DLGAP4: variants seen among roughly 807,000 people sequenced by gnomAD.
DLGAP4 encodes DLG associated protein 4.
A neutral mutation model predicts 86.9 loss-of-function variants in DLGAP4; 18 were observed. The ratio of observed to expected loss-of-function variants is 0.21; its 90% CI spans 0.14 to 0.31. The LOEUF is 0.31. Ranked by LOEUF, DLGAP4 falls within the 10% of genes least tolerant of loss-of-function variation. DLGAP4 has a pLI of 1.00. For synonymous variants in DLGAP4, 548 were observed against 574.3 expected, an observed-to-expected ratio of 0.95 and a Z score of 0.65; for missense variants, 1,085 against 1,362.6, an observed-to-expected ratio of 0.80 and a Z score of 3.21.
At chr20:36,453,550 C>T (rs1277216598) in intron 7 of DLGAP4, among the ~76,000 whole-genome samples, 3 of 152,052 alleles carry the variant, frequency 2.0e-5, no homozygotes, top group South Asian at 2.1e-4. Context: ...GTGGGATTTG[C>T]TTAAGCCTGG....
chr20:36,331,029 G>C (rs931469719), intron 1 of DLGAP4, among the ~76,000 whole-genome samples: 3 of 152,214 alleles, frequency 2.0e-5, no homozygotes, highest in Non-Finnish European at 4.4e-5. Flanking sequence ...AGGAGAGAGG[G>C]CTGGGCTGTC....
intron 10 of DLGAP4, among the ~76,000 whole-genome samples, chr20:36,515,536 T>G (rs1175486551): frequency 6.6e-6 from 1 of 152,204 alleles, no homozygotes; most frequent in Non-Finnish European, 1.5e-5. Context: ...TCTATATATT[T>G]AGGTTCATTC....
intron 4 of DLGAP4, among the ~76,000 whole-genome samples, chr20:36,438,239 C>T (rs752644995): frequency 1.3e-5 from 2 of 151,880 alleles, no homozygotes; most frequent in African/African-American, 2.4e-5. Context: ...CAGATTGTGG[C>T]GGTGCATGCC....
chr20:36,525,995 G>A lies in DLGAP4; in HGVS notation c.2749G>A (p.Glu917Lys), dbSNP rs547476479. ...CAGCTGGCAGCTGGTGGAGACCCCC[G>A]AGAAGAGGAAGGTGAGCATGGAGCA... ...ANSWQLVETPEKRKEEKKPPP... is the reference protein window; with the variant it reads ...ANSWQLVETPKKRKEEKKPPP... The change falls in exon 12 of 13, where the codon GAG (glutamate) becomes AAG (lysine). Residue 917 changes from glutamate (E) to lysine (K), a missense_variant. This residue lies in a region of DLGAP4 where 1,082 missense variants were observed against 1,344.1 expected (regional missense o/e 0.81). Coordinates refer to ENST00000339266, the MANE Select transcript of DLGAP4 (RefSeq NM_001365621.2). 7.4e-6 allele frequency: 12 copies of A among 1,613,970 alleles called. No homozygotes were observed. The highest frequency in any genetic ancestry group is 3.3e-5 in the South Asian group (3 of 91,064).
chr20:36,361,857 T>C (rs918191627), intron 1 of DLGAP4, among the ~76,000 whole-genome samples: 4 of 151,538 alleles, frequency 2.6e-5, no homozygotes, highest in African/African-American at 9.7e-5. Flanking sequence ...TGCATGTCTG[T>C]AGTCCCAGCT....
chr20:36,371,484 C>T (rs554713707), intron 2 of DLGAP4, among the ~76,000 whole-genome samples: 7 of 152,336 alleles, frequency 4.6e-5, no homozygotes, highest in African/African-American at 1.7e-4. Context: ...TGTGACATGG[C>T]ACTGTCCAAG....
At chr20:36,485,565 G>A (rs2035376084) in intron 7 of DLGAP4, among the ~76,000 whole-genome samples, 1 of 152,088 alleles carries the variant, frequency 6.6e-6, no homozygotes, top group African/African-American at 2.4e-5. Context: ...AGGCCCAGAA[G>A]GGACTCAGGC....
Position 36,500,170 on chromosome 20 carries a change from T to TCCCCCCCCCCTCCCCCCCC in DLGAP4, c.2100-25_2100-24insCCCCCCTCCCCCCCCCCCC. On this transcript the variant is annotated intron_variant, in intron 9 of 12. Coordinates refer to ENST00000339266, the MANE Select transcript of DLGAP4 (RefSeq NM_001365621.2). The surrounding 1 kb of genome is among the most constrained non-coding windows in gnomAD (Gnocchi z 4.6). ...CCTCTTGGTGACTCACTCCTTCCTG[T>TCCCCCCCCCCTCCCCCCCC]CCCCACCCCATCCACCCCCTACCCA... 6.6e-7 allele frequency: 1 copy of TCCCCCCCCCCTCCCCCCCC among 1,515,770 alleles called. No homozygotes were observed. Among genetic ancestry groups the TCCCCCCCCCCTCCCCCCCC allele is most frequent in the Non-Finnish European group, 8.8e-7 (1 of 1,130,002 alleles). 93.9% of individuals were successfully genotyped at this position (1,515,770 alleles called of 1,614,324 possible). A position where few individuals can be genotyped will look rare whatever the true frequency, so the allele number is the denominator to read the frequency against.
intron 2 of DLGAP4, among the ~76,000 whole-genome samples, chr20:36,423,455 C>CAA (rs11434258): frequency 0.087 from 1,420 of 16,336 alleles, 318 homozygotes; most frequent in South Asian, 0.13. Flanking sequence ...GACTCCGTCT[C>CAA]AAAAAAAAAA....
intron 2 of DLGAP4, among the ~76,000 whole-genome samples, chr20:36,416,721 G>C (rs928720464): frequency 1.3e-5 from 2 of 152,188 alleles, no homozygotes; most frequent in African/African-American, 4.8e-5. Context: ...ATTTTAAGCA[G>C]GGAAAGGCTT....
chr20:36,493,418 G>A (rs895995400), intron 7 of DLGAP4, among the ~76,000 whole-genome samples: 1 of 152,224 alleles, frequency 6.6e-6, no homozygotes, highest in African/African-American at 2.4e-5. Flanking sequence ...TTTGTCAGGG[G>A]CTGTGTGAAT....
intron 7 of DLGAP4, among the ~76,000 whole-genome samples, chr20:36,465,067 C>T (rs1037997142): frequency 1.6e-4 from 25 of 152,002 alleles, no homozygotes; most frequent in Admixed American, 1.6e-3. Flanking sequence ...AAATCTGGTG[C>T]ACAGTAGGCA....
chr20:36,489,959 A>C (rs1048309883), intron 7 of DLGAP4, among the ~76,000 whole-genome samples: 3 of 150,084 alleles, frequency 2.0e-5, no homozygotes, highest in African/African-American at 7.4e-5. Flanking sequence ...CCCGGGTTCA[A>C]GCAATTCTCT....
At chr20:36,454,841 C>T (rs953490328) in intron 7 of DLGAP4, among the ~76,000 whole-genome samples, 4 of 152,232 alleles carry the variant, frequency 2.6e-5, no homozygotes, top group African/African-American at 9.6e-5. Flanking sequence ...CCTGCCTGCC[C>T]GCCCACCCAC....
intron 7 of DLGAP4, among the ~76,000 whole-genome samples, chr20:36,495,631 C>T (rs1279417281): frequency 6.6e-6 from 1 of 152,216 alleles, no homozygotes; most frequent in Non-Finnish European, 1.5e-5. Context: ...TGTGGGTCAG[C>T]CCCTGGCTGG....
Position 36,446,942 on chromosome 20 carries a change from G to A in DLGAP4, c.1648+5G>A. ...GCAATAGTCGCACGCTTCCGAGTGA[G>A]TACTGTGATGAGGGAAGGGGTTTTT... On this transcript the variant is annotated splice_donor_5th_base_variant and intron_variant, in intron 7 of 12. Transcript: ENST00000339266. The A allele has an allele frequency of 6.3e-7, 1 of 1,598,676 alleles. No homozygotes were observed. Among genetic ancestry groups the A allele is most frequent in the Non-Finnish European group, 8.6e-7 (1 of 1,168,394 alleles).
rs59836413 is a variant in DLGAP4, at chr20:36,396,642, C to CCA, written c.-73+29381_-73+29382dup. Among the ~76,000 whole-genome samples, 219 of 78,346 alleles carry CCA rather than the reference C, an allele frequency of 2.8e-3. 2 individuals carry two copies. In the East Asian group the frequency reaches 0.046, roughly 16 times the overall value. 51.4% of individuals were successfully genotyped at this position (78,346 alleles called of 152,430 possible). A position where few individuals can be genotyped will look rare whatever the true frequency, so the allele number is the denominator to read the frequency against. On this transcript the variant is annotated intron_variant, in intron 2 of 12. Transcript: ENST00000339266. ...AGACACAAACACATACACGCACACA[C>CCA]CACACACACACACACCACACACATA...
intron 2 of DLGAP4, among the ~76,000 whole-genome samples, chr20:36,367,484 C>T (rs2030731248): frequency 6.6e-6 from 1 of 152,194 alleles, no homozygotes. Flanking sequence ...GGTGATCACG[C>T]CCATTTTCCA....
rs2033129897 is a variant in DLGAP4 at position 36,431,554 on chromosome 20, C to G, written c.-72-92C>G. On this transcript the variant is annotated intron_variant, in intron 2 of 12. Transcript: ENST00000339266. The surrounding 1 kb of genome is among the most constrained non-coding windows in gnomAD (Gnocchi z 5.1). ...ACATTGAGGACTGGCTTCAGAGATC[C>G]TCCCAGCCTTGCGATCTGGATCTGA... 5.3e-6 allele frequency: 4 copies of G among 761,716 alleles called. No homozygotes were observed. The Admixed American group carries it at 1.2e-4, about 23-fold the overall frequency. The allele number at this position is 761,716 out of a possible 1,614,324, so 47.2% of individuals were successfully genotyped here.
Sources: gnomAD v4.1 joint callset for allele counts (sites outside exome capture counted in the v4.1 genomes callset) on GRCh38, gnomAD v4.1.1 for gene constraint, gnomAD v4.1.1 regional missense constraint, Gnocchi (gnomAD v3.1) non-coding constraint, MANE v1.5 for transcripts, NCBI Gene and HGNC (gene_info 2026-07-23, HGNC 2026-07-21) for gene names.